CYSLTR1: variants seen among roughly 807,000 people sequenced by gnomAD.
The protein encoded by CYSLTR1 is G-protein coupled receptor HG55.
In CYSLTR1, 1 loss-of-function variant was observed where a neutral mutation model predicts 2.1. That is an observed-to-expected ratio of 0.48 (90% CI 0.17 to 2.28). The LOEUF (loss-of-function observed/expected upper bound fraction) is 2.28, where lower values mean the gene tolerates loss of function less well. Ranked by LOEUF, CYSLTR1 falls within the 30% of genes most tolerant of loss-of-function variation. The pLI, the probability that CYSLTR1 is intolerant of heterozygous loss-of-function variation, is 0.26. For missense variants in CYSLTR1, 299 were observed against 250.1 expected, an observed-to-expected ratio of 1.20 and a Z score of -1.32; for synonymous variants, 110 against 89.6, an observed-to-expected ratio of 1.23 and a Z score of -1.28.
At chrX:78,305,797 G>A (rs756171171) in intron 1 of CYSLTR1, among the ~76,000 whole-genome samples, 74 of 112,882 alleles carry the variant, frequency 6.6e-4, no homozygotes, top group South Asian at 1.1e-3. Context: ...CCATGCAGTT[G>A]CATATTACAG....
At chrX:78,281,548 C>T (rs777286107) in intron 2 of CYSLTR1, among the ~76,000 whole-genome samples, 1 of 111,521 alleles carries the variant, frequency 9.0e-6, no homozygotes, top group East Asian at 2.8e-4. Context: ...GCTGGGATTA[C>T]AGGTGTGAGC....
At chrX:78,303,387 G>A (rs766959097) in intron 1 of CYSLTR1, among the ~76,000 whole-genome samples, 1 of 99,176 alleles carries the variant, frequency 1.0e-5, no homozygotes, top group South Asian at 4.8e-4. Flanking sequence ...GGTGCTATGA[G>A]AGCTCACCTG....
intron 1 of CYSLTR1, among the ~76,000 whole-genome samples, chrX:78,325,327 T>C (rs1194236813): frequency 8.9e-6 from 1 of 111,757 alleles, no homozygotes; most frequent in Non-Finnish European, 1.9e-5. Context: ...AGAAAGTAGC[T>C]AGCCCTACTG....
intron 1 of CYSLTR1, among the ~76,000 whole-genome samples, chrX:78,291,512 G>A (rs1428371818): frequency 9.0e-6 from 1 of 110,768 alleles, no homozygotes; most frequent in Admixed American, 9.6e-5. Flanking sequence ...TTTTTCTATT[G>A]ATTGGAATAG....
At chrX:78,292,766 T>C (rs1035962308) in intron 1 of CYSLTR1, among the ~76,000 whole-genome samples, 2 of 110,659 alleles carry the variant, frequency 1.8e-5, no homozygotes, top group Non-Finnish European at 3.8e-5. Flanking sequence ...TTAAAGTCTG[T>C]TTTATCAGAA....
intron 1 of CYSLTR1, among the ~76,000 whole-genome samples, chrX:78,301,281 C>T (rs776117285): frequency 7.7e-4 from 87 of 112,617 alleles, no homozygotes; most frequent in Non-Finnish European, 1.3e-3. Flanking sequence ...ACTTGAATTT[C>T]TTCTCAGAAA....
chrX:78,306,090 G>C (rs759614836), intron 1 of CYSLTR1, among the ~76,000 whole-genome samples: 1 of 112,641 alleles, frequency 8.9e-6, no homozygotes, highest in Non-Finnish European at 1.9e-5. Context: ...GCCAGGAACA[G>C]AAAGACAAAC....
In CYSLTR1 at chrX:78,272,502, G is replaced by C; in HGVS notation, c.*231C>G. On this transcript the variant is annotated 3_prime_UTR_variant, in exon 3 of 3. Coordinates refer to ENST00000373304, the MANE Select transcript of CYSLTR1 (RefSeq NM_006639.4). Reference sequence around the variant, plus strand: ...AAAAATATTCTCCAAATTCTGGTGAGTGGTCAAAATTATTTATAATTCAGT... The same window carrying C: ...AAAAATATTCTCCAAATTCTGGTGACTGGTCAAAATTATTTATAATTCAGT... 1 of 261,622 alleles carries C rather than the reference G, an allele frequency of 3.8e-6. No homozygotes were observed. Among genetic ancestry groups the C allele is most frequent in the Non-Finnish European group, 6.7e-6 (1 of 148,291 alleles). 21.6% of individuals were successfully genotyped at this position (261,622 alleles called of 1,213,427 possible).
At chrX:78,325,148 T>C (rs1446692689) in intron 1 of CYSLTR1, among the ~76,000 whole-genome samples, 3 of 112,315 alleles carry the variant, frequency 2.7e-5, no homozygotes, top group Admixed American at 1.9e-4. Context: ...AATACTACTC[T>C]TAAATATTTT....
intron 1 of CYSLTR1, among the ~76,000 whole-genome samples, chrX:78,313,112 C>T (rs947103192): frequency 8.9e-6 from 1 of 111,915 alleles, no homozygotes; most frequent in Non-Finnish European, 1.9e-5. Context: ...ACATATATAC[C>T]ATGAAGTACT....
intron 2 of CYSLTR1, among the ~76,000 whole-genome samples, chrX:78,274,848 C>G (rs1421209662): frequency 2.7e-5 from 3 of 111,465 alleles, no homozygotes; most frequent in African/African-American, 9.8e-5. Context: ...GGGCTAATAT[C>G]CAGAATCTAC....
chrX:78,294,368 C>G (rs947741643), intron 1 of CYSLTR1, among the ~76,000 whole-genome samples: 1 of 112,508 alleles, frequency 8.9e-6, no homozygotes, highest in Non-Finnish European at 1.9e-5. Context: ...CAGAGGGGCA[C>G]TCACCTGTAT....
chrX:78,289,910 G>T (rs150772920), intron 1 of CYSLTR1, among the ~76,000 whole-genome samples: 4,430 of 111,366 alleles, frequency 0.04, 137 homozygotes, highest in African/African-American at 0.11. Context: ...CCATTCTGTA[G>T]GTTGCCTGTT....
intron 1 of CYSLTR1, among the ~76,000 whole-genome samples, chrX:78,284,486 C>T (rs893165897): frequency 1.8e-4 from 20 of 111,211 alleles, no homozygotes; most frequent in Middle Eastern, 4.2e-3. Flanking sequence ...CTCTGACCTC[C>T]GCCTCCCGGG....
chrX:78,326,189 T>C (rs1923855331), intron 1 of CYSLTR1, among the ~76,000 whole-genome samples: 1 of 111,779 alleles, frequency 8.9e-6, no homozygotes, highest in African/African-American at 3.3e-5. Context: ...AACAGATAGC[T>C]TTTAGTTCTA....
intron 1 of CYSLTR1, among the ~76,000 whole-genome samples, chrX:78,288,365 T>C (rs1169623016): frequency 8.9e-6 from 1 of 112,204 alleles, no homozygotes; most frequent in Non-Finnish European, 1.9e-5. Context: ...ACTGGTATCT[T>C]CTACTAAGTG....
At chrX:78,297,445 T>A in intron 1 of CYSLTR1, among the ~76,000 whole-genome samples, 1 of 111,864 alleles carries the variant, frequency 8.9e-6, no homozygotes, top group Non-Finnish European at 1.9e-5. Flanking sequence ...TTTTTTGAAA[T>A]AGTTTGAAGA....
At chrX:78,293,519 T>C (rs1234286728) in intron 1 of CYSLTR1, among the ~76,000 whole-genome samples, 1 of 111,700 alleles carries the variant, frequency 9.0e-6, no homozygotes, top group East Asian at 2.8e-4. Context: ...ATTTGAATGT[T>C]GGCCTGCCTT....
Position 78,292,319 on chromosome X carries a change from C to T in CYSLTR1, c.-114-8779G>A, listed in dbSNP as rs373509417. Among the ~76,000 whole-genome samples, 9 of 112,331 alleles carry T rather than the reference C, an allele frequency of 8.0e-5. No homozygotes were observed. In the East Asian group the frequency reaches 2.5e-3, roughly 31 times the overall value. The stretch of plus-strand genomic sequence containing the variant: ...AATCCTGAGTTCTAATTTGATTGCA[C>T]TGTTGTCTGAGAGACAACTTGTTGT... On this transcript the variant is annotated intron_variant, in intron 1 of 2. Coordinates refer to ENST00000373304, the MANE Select transcript of CYSLTR1 (RefSeq NM_006639.4).
Sources: gnomAD v4.1 joint callset for allele counts (sites outside exome capture counted in the v4.1 genomes callset) on GRCh38, gnomAD v4.1.1 for gene constraint, MANE v1.5 for transcripts, NCBI Gene and HGNC (gene_info 2026-07-23, HGNC 2026-07-21) for gene names.